The following CFAP299 variants were observed in gnomAD, a reference collection of about 807,000 sequenced individuals.
The protein encoded by CFAP299 is cilia- and flagella-associated protein 299.
Under a neutral mutation model 27.0 loss-of-function variants are expected in CFAP299, and 21 were observed. The observed-to-expected ratio is 0.78, with a 90% confidence interval of 0.55 to 1.12. The LOEUF is 1.12. Ranked by LOEUF, CFAP299 falls within the 50% of genes most tolerant of loss-of-function variation. The pLI is 0.00. For missense variants in CFAP299, 310 were observed against 276.6 expected, an observed-to-expected ratio of 1.12 and a Z score of -0.86; for synonymous variants, 104 against 98.1, an observed-to-expected ratio of 1.06 and a Z score of -0.36.
chr4:80,442,385 A>G (rs925740774), intron 2 of CFAP299, among the ~76,000 whole-genome samples: 2 of 152,204 alleles, frequency 1.3e-5, no homozygotes, highest in Non-Finnish European at 2.9e-5. Flanking sequence ...TTAAATTAGA[A>G]CTCAGGATTA....
At chr4:80,486,373 G>T (rs555375217) in intron 2 of CFAP299, among the ~76,000 whole-genome samples, 1 of 152,228 alleles carries the variant, frequency 6.6e-6, no homozygotes, top group Non-Finnish European at 1.5e-5. Flanking sequence ...AAATGTGGGG[G>T]TTCTACTTAG....
chr4:80,589,289 G>C (rs1318740584), intron 3 of CFAP299, among the ~76,000 whole-genome samples: 1 of 151,956 alleles, frequency 6.6e-6, no homozygotes, highest in Non-Finnish European at 1.5e-5. Context: ...AAGCAATCTG[G>C]GTCCAGATTC....
At chr4:80,545,123 A>T (rs946774107) in intron 2 of CFAP299, among the ~76,000 whole-genome samples, 1 of 152,342 alleles carries the variant, frequency 6.6e-6, no homozygotes, top group East Asian at 1.9e-4. Flanking sequence ...TAAGAAAATT[A>T]ACACAGAAAT....
intron 1 of CFAP299, among the ~76,000 whole-genome samples, chr4:80,348,952 C>T (rs1560524334): frequency 6.6e-6 from 1 of 152,166 alleles, no homozygotes; most frequent in Non-Finnish European, 1.5e-5. Context: ...TTTGACCTTA[C>T]ACAACATGAG....
intron 4 of CFAP299, among the ~76,000 whole-genome samples, chr4:80,896,445 T>C (rs934066977): frequency 6.6e-6 from 1 of 152,154 alleles, no homozygotes; most frequent in Admixed American, 6.5e-5. Context: ...CTCTATTTTC[T>C]GAGGAACTAC....
intron 2 of CFAP299, among the ~76,000 whole-genome samples, chr4:80,574,734 T>G (rs1056610524): frequency 6.6e-6 from 1 of 152,168 alleles, no homozygotes; most frequent in African/African-American, 2.4e-5. Context: ...TTTTGGTCCT[T>G]TGTTATGTTG....
intron 3 of CFAP299, among the ~76,000 whole-genome samples, chr4:80,707,880 A>G (rs1443129181): frequency 6.6e-6 from 1 of 152,058 alleles, no homozygotes; most frequent in Non-Finnish European, 1.5e-5. Flanking sequence ...ATATGTACTC[A>G]TTTGTCCAAT....
intron 3 of CFAP299, among the ~76,000 whole-genome samples, chr4:80,859,113 AT>A (rs1732138516): frequency 6.6e-6 from 1 of 152,174 alleles, no homozygotes; most frequent in African/African-American, 2.4e-5. Flanking sequence ...GTGCATATAT[AT>A]TTAGGATAGT....
Position 80,870,175 on chromosome 4 carries a change from CAA to C in CFAP299, c.476+42_476+43del. 2.6e-6 allele frequency: 4 copies of C among 1,554,522 alleles called. No homozygotes were observed. In the South Asian group the frequency reaches 3.6e-5, roughly 14 times the overall value. On this transcript the variant is annotated intron_variant, in intron 4 of 5. Transcript: ENST00000358105. ...ATTTTTGCACCCTTAGAGGCAGGGA[CAA>C]AGACTTTTTATTTTATGGTCTACAT...
intron 3 of CFAP299, among the ~76,000 whole-genome samples, chr4:80,653,952 A>G (rs1740433448): frequency 6.6e-6 from 1 of 152,094 alleles, no homozygotes; most frequent in Non-Finnish European, 1.5e-5. Flanking sequence ...ATATGTGTTT[A>G]TATATATGTG....
chr4:80,687,759 C>T (rs1162200676), intron 3 of CFAP299, among the ~76,000 whole-genome samples: 1 of 152,144 alleles, frequency 6.6e-6, no homozygotes, highest in Admixed American at 6.5e-5. Context: ...GTGATTTCTG[C>T]ATTTCCATCT....
intron 3 of CFAP299, among the ~76,000 whole-genome samples, chr4:80,859,825 T>TTAAA (rs973217806): frequency 1.8e-4 from 27 of 152,296 alleles, no homozygotes; most frequent in Non-Finnish European, 2.9e-4. Flanking sequence ...CCGACCTTTC[T>TTAAA]CTCTGGCTGC....
intron 2 of CFAP299, among the ~76,000 whole-genome samples, chr4:80,363,753 A>T (rs897311172): frequency 6.6e-5 from 10 of 152,130 alleles, no homozygotes; most frequent in Non-Finnish European, 1.5e-4. Flanking sequence ...TTAGTTTTCT[A>T]TTGCTGCCAT....
chr4:80,398,519 C>T (rs1157025436), intron 2 of CFAP299, among the ~76,000 whole-genome samples: 2 of 152,058 alleles, frequency 1.3e-5, no homozygotes, highest in Non-Finnish European at 2.9e-5. Flanking sequence ...AGAACAGAGA[C>T]CTCAGAAATA....
intron 2 of CFAP299, among the ~76,000 whole-genome samples, chr4:80,510,559 T>A (rs1221893544): frequency 2.0e-5 from 3 of 152,160 alleles, no homozygotes; most frequent in African/African-American, 7.2e-5. Flanking sequence ...TCCCCAACAC[T>A]GACTGCTTTT....
intron 2 of CFAP299, among the ~76,000 whole-genome samples, chr4:80,459,015 C>G (rs930385100): frequency 2.6e-5 from 4 of 151,966 alleles, no homozygotes; most frequent in Admixed American, 2.6e-4. Context: ...GGGTCTTGCT[C>G]TATCATTCCG....
chr4:80,851,031 G>A (rs971734380), intron 3 of CFAP299, among the ~76,000 whole-genome samples: 1 of 152,084 alleles, frequency 6.6e-6, no homozygotes, highest in African/African-American at 2.4e-5. Flanking sequence ...GGAATGACAT[G>A]GTTTTAAAAA....
chr4:80,933,767 T>C (rs1322165499), intron 4 of CFAP299, among the ~76,000 whole-genome samples: 1 of 152,092 alleles, frequency 6.6e-6, no homozygotes, highest in Non-Finnish European at 1.5e-5. Context: ...ACAGAACTTT[T>C]ATTATTGATT....
chr4:80,827,117 G>A (rs1053501492), intron 3 of CFAP299, among the ~76,000 whole-genome samples: 1 of 151,640 alleles, frequency 6.6e-6, no homozygotes, highest in African/African-American at 2.4e-5. Flanking sequence ...TGTTGAATTA[G>A]AAAAAGAAAA....
Sources: allele counts gnomAD v4.1 joint callset (sites outside exome capture counted in the v4.1 genomes callset), GRCh38; gene constraint gnomAD v4.1.1; transcripts MANE v1.5; gene names NCBI Gene and HGNC (gene_info 2026-07-23, HGNC 2026-07-21).